Variants in FHOD3 observed in about 807,000 individuals in gnomAD.
FHOD3 encodes formin homology 2 domain containing 3, also known as FH1/FH2 domain-containing protein 3.
In FHOD3, 90 loss-of-function variants were observed where a neutral mutation model predicts 173.0. The ratio of observed to expected loss-of-function variants is 0.52; its 90% CI spans 0.44 to 0.62. FHOD3 has a LOEUF of 0.62. Ranked by LOEUF, FHOD3 falls within the 20% of genes least tolerant of loss-of-function variation. The pLI, the probability that FHOD3 is intolerant of heterozygous loss-of-function variation, is 0.00. For synonymous variants in FHOD3, 828 were observed against 823.0 expected (o/e 1.01, Z -0.10); for missense variants, 1,945 against 2,034.7 (o/e 0.96, Z 0.85).
At chr18:36,619,563 C>G (rs188213749) in intron 9 of FHOD3, among the ~76,000 whole-genome samples, 7 of 152,306 alleles carry the variant, frequency 4.6e-5, no homozygotes, top group African/African-American at 1.4e-4. Flanking sequence ...TGGCCCTCAT[C>G]GTTTCTTGCC....
intron 3 of FHOD3, among the ~76,000 whole-genome samples, chr18:36,400,919 A>G (rs751754215): frequency 2.0e-4 from 30 of 152,326 alleles, no homozygotes; most frequent in Non-Finnish European, 1.3e-4. Context: ...AAGGAGAGTT[A>G]TAGAAGGGAG....
chr18:36,600,768 C>T (rs998522202), intron 7 of FHOD3, among the ~76,000 whole-genome samples: 1 of 152,198 alleles, frequency 6.6e-6, no homozygotes, highest in African/African-American at 2.4e-5. Context: ...GGCCTTTGCT[C>T]CCTGAGGACC....
intron 4 of FHOD3, among the ~76,000 whole-genome samples, chr18:36,511,839 C>T (rs992343281): frequency 2.1e-4 from 32 of 152,192 alleles, no homozygotes; most frequent in Admixed American, 1.6e-3. Context: ...CCAGCCAAGG[C>T]GGTCCTTTCG....
chr18:36,300,635 C>G (rs1239135377), intron 1 of FHOD3, among the ~76,000 whole-genome samples: 1 of 152,168 alleles, frequency 6.6e-6, no homozygotes, highest in East Asian at 1.9e-4. Context: ...AGCGCATTCT[C>G]AGTGGTACAA....
At chr18:36,752,759 G>T (rs2042457361) in intron 24 of FHOD3, among the ~76,000 whole-genome samples, 2 of 152,112 alleles carry the variant, frequency 1.3e-5, no homozygotes, top group South Asian at 4.1e-4. Flanking sequence ...CAAAAACAAT[G>T]CTCTAGAAAG....
chr18:36,739,665 T>A (rs1282076478), intron 20 of FHOD3, among the ~76,000 whole-genome samples: 1 of 152,250 alleles, frequency 6.6e-6, no homozygotes, highest in African/African-American at 2.4e-5. Context: ...CATTTTCTAG[T>A]TTCCAGCATA....
intron 1 of FHOD3, among the ~76,000 whole-genome samples, chr18:36,310,798 G>A (rs2092238618): frequency 6.6e-6 from 1 of 152,104 alleles, no homozygotes; most frequent in Non-Finnish European, 1.5e-5. Context: ...GTTTCAGTTG[G>A]TGAAAGGGAG....
intron 5 of FHOD3, among the ~76,000 whole-genome samples, chr18:36,547,522 C>G (rs1237380812): frequency 1.3e-5 from 2 of 152,096 alleles, no homozygotes; most frequent in Admixed American, 6.6e-5. Flanking sequence ...ATCTGCCTGC[C>G]TTGGCCTCCC....
chr18:36,584,493 T>G (rs1321518734), intron 6 of FHOD3, among the ~76,000 whole-genome samples: 1 of 152,236 alleles, frequency 6.6e-6, no homozygotes, highest in Non-Finnish European at 1.5e-5. Flanking sequence ...GCTAGAACAT[T>G]ATAGTTAGTT....
chr18:36,702,575 G>C (rs935305284), intron 17 of FHOD3, among the ~76,000 whole-genome samples: 1 of 152,192 alleles, frequency 6.6e-6, no homozygotes, highest in Non-Finnish European at 1.5e-5. Flanking sequence ...GGCTGGCCCA[G>C]CCCTTGGTTT....
At chr18:36,414,721 T>C (rs1189129738) in intron 3 of FHOD3, among the ~76,000 whole-genome samples, 2 of 152,192 alleles carry the variant, frequency 1.3e-5, no homozygotes, top group Admixed American at 1.3e-4. Context: ...ATTGACCACA[T>C]TCTGTGGGCT....
At chr18:36,610,421 G>A (rs1450108272) in intron 8 of FHOD3, among the ~76,000 whole-genome samples, 1 of 152,230 alleles carries the variant, frequency 6.6e-6, no homozygotes, top group Non-Finnish European at 1.5e-5. Context: ...TCAGTGCGAT[G>A]TGGTTAGCCT....
intron 2 of FHOD3, among the ~76,000 whole-genome samples, chr18:36,371,840 C>T (rs1193788594): frequency 6.6e-6 from 1 of 151,476 alleles, no homozygotes; most frequent in Non-Finnish European, 1.5e-5. Flanking sequence ...ATCCCGCTTC[C>T]AAGAGCCCTG....
chr18:36,765,728 C>A (rs2043111195), intron 27 of FHOD3, among the ~76,000 whole-genome samples: 1 of 151,988 alleles, frequency 6.6e-6, no homozygotes, highest in Non-Finnish European at 1.5e-5. Flanking sequence ...AGACTGATCA[C>A]AGCAAAAGAG....
At chr18:36,660,763 C>T (rs2036740076) in intron 14 of FHOD3, among the ~76,000 whole-genome samples, 1 of 152,170 alleles carries the variant, frequency 6.6e-6, no homozygotes, top group Non-Finnish European at 1.5e-5. Context: ...GTGGACTCAG[C>T]AGTCCTTGGC....
chr18:36,433,258 G>A (rs2050646851), intron 3 of FHOD3, among the ~76,000 whole-genome samples: 1 of 152,176 alleles, frequency 6.6e-6, no homozygotes, highest in Non-Finnish European at 1.5e-5. Context: ...AGCAGAGAAG[G>A]GAGTCTTGGG....
intron 5 of FHOD3, 147 bp downstream of exon 5, chr18:36,512,690 C>CAT: frequency 1.8e-5 from 2 of 111,984 alleles, no homozygotes; most frequent in Admixed American, 1.2e-4. Flanking sequence ...AAAACATCTG[C>CAT]CATAGGTAAA....
At chr18:36,380,435 T>C (rs868770247) in intron 3 of FHOD3, among the ~76,000 whole-genome samples, 44 of 150,168 alleles carry the variant, frequency 2.9e-4, no homozygotes, top group African/African-American at 8.8e-4. Context: ...TCATCTCCCT[T>C]CCTCCCTCCC....
Position 36,353,655 on chromosome 18 carries a change from G to A in FHOD3, c.166-1884G>A, listed in dbSNP as rs530891227. On this transcript the variant is annotated intron_variant, in intron 1 of 28. Coordinates refer to ENST00000590592, the MANE Select transcript of FHOD3 (RefSeq NM_001281740.3). ...CAAGAAATCAAGCATGAGGGTATAA[G>A]TTTAGATTTCCTCATAATATTAATC... Among the ~76,000 whole-genome samples, 7 of 152,298 alleles carry A rather than the reference G, an allele frequency of 4.6e-5. 1 individual carries two copies. The South Asian group carries it at 8.3e-4, about 18-fold the overall frequency.
Sources: allele counts gnomAD v4.1 joint callset (sites outside exome capture counted in the v4.1 genomes callset), GRCh38; gene constraint gnomAD v4.1.1; transcripts MANE v1.5; gene names NCBI Gene and HGNC (gene_info 2026-07-23, HGNC 2026-07-21).